The following SMG5 variants were observed in gnomAD, a reference collection of about 807,000 sequenced individuals.
SMG5 encodes the protein nonsense-mediated mRNA decay factor SMG5.
SMG5 carries 53 observed loss-of-function variants against 122.9 expected under a neutral mutation model. The observed-to-expected ratio is 0.43, with a 90% CI of 0.35 to 0.54. The LOEUF is 0.54. SMG5 is among the 20% of genes least tolerant of loss of function. The pLI, the probability that SMG5 is intolerant of heterozygous loss-of-function variation, is 0.01. For missense variants in SMG5, 1,153 were observed against 1,285.6 expected (o/e 0.90, Z 1.58); for synonymous variants, 477 against 490.2 (o/e 0.97, Z 0.35).
chr1:156,274,704 A>G lies in SMG5; in HGVS notation c.455-18T>C. The G allele has an allele frequency of 6.2e-7, 1 of 1,602,390 alleles. No individual in the cohort carries two copies. Among genetic ancestry groups the G allele is most frequent in the South Asian group, 1.1e-5 (1 of 90,834 alleles). On this transcript the variant is annotated intron_variant, in intron 4 of 21. Transcript: ENST00000361813. ...CTTGCATCCTATGAGACAAAGAGAA[A>G]GAGATTTGTAGGCCCATTCTTCTGC...
chr1:156,267,451 G>A lies in SMG5; in HGVS notation c.1117+19C>T, dbSNP rs1662200951. 1 of 1,611,422 alleles carries A rather than the reference G, an allele frequency of 6.2e-7. No homozygotes were observed. Among genetic ancestry groups the A allele is most frequent in the Non-Finnish European group, 8.5e-7 (1 of 1,177,796 alleles). On this transcript the variant is annotated intron_variant, in intron 10 of 21. Transcript: ENST00000361813. ...CCCAAAGCCAGTGGAAGAGAAAAGA[G>A]GAACATAGGGAAGGTTACCTGCTCT... is the stretch of plus-strand genomic sequence containing the variant.
In SMG5 at chr1:156,249,393, G is replaced by C. The variant is rs1291705796; in HGVS notation, c.*1194C>G. On this transcript the variant is annotated 3_prime_UTR_variant, in exon 22 of 22. Coordinates refer to ENST00000361813, the MANE Select transcript of SMG5 (RefSeq NM_015327.3). ...AGCTTGGGAAGCTAGGCTAGTACTG[G>C]GGTGGGGGCAGCAGAGCTGAGACCC... is the stretch of plus-strand genomic sequence containing the variant. 3.8e-6 allele frequency: 1 copy of C among 266,472 alleles called. No individual in the cohort carries two copies. The highest frequency in any genetic ancestry group is 7.4e-6 in the Non-Finnish European group (1 of 134,768). 16.5% of individuals were successfully genotyped at this position (266,472 alleles called of 1,614,324 possible).
chr1:156,278,192 G>C (rs1235110578), intron 2 of SMG5, 144 bp from the exon 3 acceptor site: 4 of 980,802 alleles, frequency 4.1e-6, no homozygotes, highest in Non-Finnish European at 5.8e-6. Flanking sequence ...ATATGACCCA[G>C]CACAACAGCA....
At position 156,259,132 on chromosome 1, in the gene SMG5, A is replaced by C. The variant is rs1200792153; in HGVS notation, c.2315T>G (p.Phe772Cys). The change falls in exon 16 of 22, where the codon TTT becomes TGT. Residue 772 changes from phenylalanine (F) to cysteine (C), a missense_variant. Phe to Cys is a radical substitution (Grantham distance 205, BLOSUM62 -2). Transcript: ENST00000361813. Reference sequence around the variant, plus strand: ...TTGCAGGCGGGCGATGAAATGACCAAAGCTGCGGATGCAGCAGATGCGCAC... The same window carrying C: ...TTGCAGGCGGGCGATGAAATGACCACAGCTGCGGATGCAGCAGATGCGCAC... ...SVVRICCIRSFGHFIARLQGS... is the reference protein window; with the variant it reads ...SVVRICCIRSCGHFIARLQGS... 6.2e-7 allele frequency: 1 copy of C among 1,601,998 alleles called. No homozygotes were observed. The highest frequency in any genetic ancestry group is 1.3e-5 in the African/African-American group (1 of 74,536).
Position 156,249,287 on chromosome 1 carries a change from G to T in SMG5, c.*1300C>A, listed in dbSNP as rs148062534. On this transcript the variant is annotated 3_prime_UTR_variant, in exon 22 of 22. Coordinates refer to ENST00000361813, the MANE Select transcript of SMG5 (RefSeq NM_015327.3). ...AGTCTCTGCCAGCAACTGGGAGTGG[G>T]GTGACTCCACTCACCCCAGGATTTC... The T allele has an allele frequency of 3.6e-4, 67 of 186,838 alleles. No individual in the cohort carries two copies. Among genetic ancestry groups the T allele is most frequent in the Non-Finnish European group, 3.7e-4 (33 of 88,118 alleles). The allele number at this position is 186,838 out of a possible 1,614,324, so 11.6% of individuals were successfully genotyped here. A position where few individuals can be genotyped will look rare whatever the true frequency, so the allele number is the denominator to read the frequency against.
Position 156,277,115 on chromosome 1 carries a change from C to T in SMG5, c.424G>A (p.Asp142Asn). ...AGGGGGTCAGTGACATGGGTCCAGT[C>T]GATGCAGCACTGCAGTTCCAGCTGG... is the stretch of plus-strand genomic sequence containing the variant. ...HYQLELQCCI[D>N]WTHVTDPLIG... is the part of the protein sequence containing the mutation. Residue 142 changes from aspartate (D) to asparagine (N), a missense_variant, in exon 4 of 22, where the codon GAC becomes AAC. Transcript: ENST00000361813. The T allele has an allele frequency of 1.2e-6, 2 of 1,613,730 alleles. No homozygotes were observed. Among genetic ancestry groups the T allele is most frequent in the South Asian group, 1.1e-5 (1 of 91,016 alleles).
chr1:156,291,099 C>G, the SMG5 span: 1 of 405,772 alleles, frequency 2.5e-6, no homozygotes, highest in Non-Finnish European at 4.5e-6. Flanking sequence ...CATAGCAAGA[C>G]CATGTCTCTA....
chr1:156,255,979 AACTG>A (rs1314443168), intron 16 of SMG5, among the ~76,000 whole-genome samples: 19 of 152,238 alleles, frequency 1.2e-4, no homozygotes, highest in Non-Finnish European at 2.8e-4. Context: ...ACTATGAAAT[AACTG>A]ACCAGTACTC....
intron 18 of SMG5, 48 bp from the exon 19 acceptor site, chr1:156,252,552 G>GT: frequency 6.3e-7 from 1 of 1,577,408 alleles, no homozygotes; most frequent in Non-Finnish European, 8.7e-7. Flanking sequence ...TCAGACTGCT[G>GT]TGACAAGGGG....
upstream of SMG5, chr1:156,285,787 G>A: frequency 1.2e-6 from 2 of 1,613,616 alleles, no homozygotes; most frequent in Non-Finnish European, 1.7e-6. Flanking sequence ...GTTCCTGTGG[G>A]GGCTGCGGGA....
At chr1:156,286,521 GA>G, upstream of SMG5, 1 of 1,586,762 alleles carries the variant, frequency 6.3e-7, no homozygotes, top group Non-Finnish European at 8.6e-7. Flanking sequence ...TGGTGCTAGA[GA>G]ACCTAGGCAT....
Position 156,250,667 on chromosome 1 carries a change from C to A in SMG5, c.2971G>T (p.Ala991Ser). ...CTGGCGTGGGCAGCGGCCTGCAGGG[C>A]TGCCTGTGGAATGGGAGAAGGAAAG... is the stretch of plus-strand genomic sequence containing the variant. The part of the protein sequence containing the change: ...PSVLSGPMQA[A>S]LQAAAHASVD... The change falls in exon 22 of 22, where the codon GCC (alanine) becomes TCC (serine). Residue 991 changes from alanine (A) to serine (S), a missense_variant. Around this residue, in one of 5 missense-constraint regions of SMG5, gnomAD observed 84 missense variants for 82.3 expected, o/e 1.02. Transcript: ENST00000361813. 1 of 1,614,072 alleles carries A rather than the reference C, an allele frequency of 6.2e-7. No individual in the cohort carries two copies. Among genetic ancestry groups the A allele is most frequent in the Non-Finnish European group, 8.5e-7 (1 of 1,179,970 alleles).
upstream of SMG5, among the ~76,000 whole-genome samples, chr1:156,287,661 C>A (rs1389620255): frequency 5.2e-5 from 7 of 134,602 alleles, no homozygotes; most frequent in East Asian, 2.3e-4. Flanking sequence ...GTTGCCCAGG[C>A]TGGAGAGTAC....
chr1:156,258,977 C>G, intron 16 of SMG5, 28 bp downstream of exon 16: 1 of 1,612,506 alleles, frequency 6.2e-7, no homozygotes, highest in African/African-American at 1.3e-5. Context: ...GGGAGCAGAG[C>G]TGACGGGGAG....
chr1:156,278,053 A>AG lies in SMG5; in HGVS notation c.174-6dup. ...TTGACGCAGAGCTCACGCAGCCTGG[A>AG]GGGTGTAGAGGAGCATGAGAGAGAC... On this transcript the variant is annotated splice_region_variant and splice_polypyrimidine_tract_variant and intron_variant, in intron 2 of 21. Transcript: ENST00000361813. 6 of 1,613,756 alleles carry AG rather than the reference A, an allele frequency of 3.7e-6. No individual in the cohort carries two copies. Among genetic ancestry groups the AG allele is most frequent in the Non-Finnish European group, 5.1e-6 (6 of 1,179,764 alleles).
chr1:156,254,990 T>C (rs191194966), intron 16 of SMG5, among the ~76,000 whole-genome samples: 1 of 151,870 alleles, frequency 6.6e-6, no homozygotes, highest in Non-Finnish European at 1.5e-5. Flanking sequence ...CTTGGGAGGC[T>C]GAGGCAGGGA....
chr1:156,258,222 A>G (rs554010397), intron 16 of SMG5, among the ~76,000 whole-genome samples: 2 of 152,274 alleles, frequency 1.3e-5, no homozygotes, highest in East Asian at 3.9e-4. Flanking sequence ...GCTCCCTTCT[A>G]TTCCTCAGTC....
At chr1:156,282,120 C>T (rs767109166) in intron 1 of SMG5, among the ~76,000 whole-genome samples, 8 of 152,144 alleles carry the variant, frequency 5.3e-5, no homozygotes, top group Non-Finnish European at 1.0e-4. Flanking sequence ...CAATTCAAAT[C>T]GTTCTTTTTA....
upstream of SMG5, among the ~76,000 whole-genome samples, chr1:156,287,186 G>T (rs1663191736): frequency 6.6e-6 from 1 of 152,046 alleles, no homozygotes; most frequent in Non-Finnish European, 1.5e-5. Flanking sequence ...GGAGGCTGAG[G>T]TGGGTGGATC....
Sources: gnomAD v4.1 joint callset for allele counts (sites outside exome capture counted in the v4.1 genomes callset) on GRCh38, gnomAD v4.1.1 for gene constraint, gnomAD v4.1.1 regional missense constraint, MANE v1.5 for transcripts, NCBI Gene and HGNC (gene_info 2026-07-23, HGNC 2026-07-21) for gene names.